The following TRPM3 variants were observed in gnomAD, a reference collection of about 807,000 sequenced individuals.
The protein encoded by TRPM3 is long transient receptor potential channel 3.
A neutral mutation model predicts 181.2 loss-of-function variants in TRPM3; 77 were observed. The observed-to-expected ratio is 0.42, with a 90% CI of 0.35 to 0.51. The LOEUF is 0.51. Among genes scored for constraint, TRPM3 ranks in the 20% least tolerant of loss-of-function variants. The pLI, the probability that TRPM3 is intolerant of heterozygous loss-of-function variation, is 0.01. For missense variants in TRPM3, 1,759 were observed against 2,196.7 expected (o/e 0.80, Z 3.98); for synonymous variants, 745 against 796.4 (o/e 0.94, Z 1.09).
intron 1 of TRPM3, among the ~76,000 whole-genome samples, chr9:71,096,163 A>T (rs2067153471): frequency 6.6e-6 from 1 of 151,986 alleles, no homozygotes; most frequent in Non-Finnish European, 1.5e-5. Flanking sequence ...CCATCTTAAA[A>T]TAGACCAGTG....
chr9:70,560,110 T>G (rs1033284183), intron 22 of TRPM3, among the ~76,000 whole-genome samples: 5 of 152,242 alleles, frequency 3.3e-5, no homozygotes, highest in African/African-American at 1.2e-4. Flanking sequence ...CACATTACAT[T>G]GGCCATTGTG....
At position 70,618,793 on chromosome 9, in the gene TRPM3, C is replaced by A; in HGVS notation, c.2358+74G>T. ...GATAAGAGGATGCCCAATTCCATGG[C>A]AGATTTTGGCTGGGAAAACTCTAAC... On this transcript the variant is annotated intron_variant, in intron 17 of 25. Coordinates refer to ENST00000677713, the MANE Select transcript of TRPM3 (RefSeq NM_001366145.2). 5 of 1,302,374 alleles carry A rather than the reference C, an allele frequency of 3.8e-6. No homozygotes were observed. The South Asian group carries it at 6.1e-5, about 16-fold the overall frequency. 80.7% of individuals were successfully genotyped at this position (1,302,374 alleles called of 1,614,324 possible).
intron 1 of TRPM3, among the ~76,000 whole-genome samples, chr9:71,055,318 G>T (rs1162772876): frequency 6.6e-6 from 1 of 152,066 alleles, no homozygotes; most frequent in Admixed American, 6.6e-5. Context: ...GTAGATAATA[G>T]AAATAATGAA....
chr9:71,280,095 A>AG (rs201311071), intron 1 of TRPM3, among the ~76,000 whole-genome samples: 29 of 145,440 alleles, frequency 2.0e-4, no homozygotes, highest in South Asian at 6.7e-4. Flanking sequence ...AAAAAAAAAA[A>AG]GGGGATGTAT....
At chr9:71,275,471 C>T (rs2084127461) in intron 1 of TRPM3, among the ~76,000 whole-genome samples, 1 of 151,956 alleles carries the variant, frequency 6.6e-6, no homozygotes, top group Non-Finnish European at 1.5e-5. Context: ...AATTTGATTG[C>T]AATAAAAATT....
At position 71,319,313 on chromosome 9, in the gene TRPM3, A is replaced by G. The variant is rs79496277; in HGVS notation, c.183+127340T>C. On this transcript the variant is annotated intron_variant, in intron 1 of 24. Coordinates refer to the TRPM3 transcript ENST00000357533. ...CCATAGTCTGCTGTCTGCTCCCTGG[A>G]GGCCTAGGAAAGCCAGGGTTGTCAT... Among the ~76,000 whole-genome samples the G allele has an allele frequency of 9.7e-3, 1,479 of 152,226 alleles. 32 individuals carry two copies. Among genetic ancestry groups the G allele is most frequent in the African/African-American group, 0.034 (1,414 of 41,520 alleles).
intron 1 of TRPM3, among the ~76,000 whole-genome samples, chr9:70,905,352 TC>T (rs1207756157): frequency 6.6e-6 from 1 of 152,168 alleles, no homozygotes; most frequent in Non-Finnish European, 1.5e-5. Flanking sequence ...AAACCAATAT[TC>T]CCTAAACGAA....
At chr9:71,106,542 T>C (rs552367242) in intron 1 of TRPM3, among the ~76,000 whole-genome samples, 30 of 152,232 alleles carry the variant, frequency 2.0e-4, no homozygotes, top group African/African-American at 6.0e-4. Flanking sequence ...CAGAAGCACA[T>C]GCTGGCCCCA....
Position 70,603,621 on chromosome 9 carries a change from G to T in TRPM3, c.2668-151C>A, listed in dbSNP as rs137919423. On this transcript the variant is annotated intron_variant, in intron 19 of 25. Coordinates refer to ENST00000677713, the MANE Select transcript of TRPM3 (RefSeq NM_001366145.2). ...ACTTGAAGGTGCTAAACTAACAAAA[G>T]AATTAGAAAAGACAGTAATACTTGA... The T allele has an allele frequency of 2.1e-3, 1,553 of 729,740 alleles. 39 individuals are homozygous for T. The Admixed American group carries it at 0.039, about 19-fold the overall frequency. The allele number at this position is 729,740 out of a possible 1,614,324, so 45.2% of individuals were successfully genotyped here. A position where few individuals can be genotyped will look rare whatever the true frequency, so the allele number is the denominator to read the frequency against.
At chr9:70,800,030 A>G (rs966859167) in intron 6 of TRPM3, among the ~76,000 whole-genome samples, 2 of 152,214 alleles carry the variant, frequency 1.3e-5, no homozygotes, top group African/African-American at 4.8e-5. Context: ...TGTTTCTGAC[A>G]TTTGCTTTGC....
chr9:70,909,390 C>T (rs1205873296), intron 1 of TRPM3, among the ~76,000 whole-genome samples: 1 of 152,144 alleles, frequency 6.6e-6, no homozygotes, highest in African/African-American at 2.4e-5. Context: ...AGCGGTTAGA[C>T]CCTTCATAGT....
At chr9:70,928,487 A>T (rs75828714) in intron 1 of TRPM3, among the ~76,000 whole-genome samples, 1 of 152,288 alleles carries the variant, frequency 6.6e-6, no homozygotes, top group East Asian at 1.9e-4. Flanking sequence ...GAGCACAGCC[A>T]ATTATGGTGT....
intron 1 of TRPM3, among the ~76,000 whole-genome samples, chr9:71,269,536 C>T (rs182750410): frequency 3.7e-4 from 56 of 152,278 alleles, no homozygotes; most frequent in Admixed American, 1.1e-3. Context: ...TTATAAAGAG[C>T]AAGACTCATC....
chr9:71,199,966 G>A (rs1224591250), intron 1 of TRPM3, among the ~76,000 whole-genome samples: 1 of 152,134 alleles, frequency 6.6e-6, no homozygotes, highest in African/African-American at 2.4e-5. Flanking sequence ...TGTGATGCTA[G>A]GGTGTCAATT....
chr9:71,217,332 T>G (rs2079953409), intron 1 of TRPM3, among the ~76,000 whole-genome samples: 1 of 152,148 alleles, frequency 6.6e-6, no homozygotes, highest in Admixed American at 6.5e-5. Flanking sequence ...AGCAAAGACA[T>G]GCCATGCAAC....
intron 1 of TRPM3, among the ~76,000 whole-genome samples, chr9:71,022,636 T>C (rs2097856119): frequency 6.6e-6 from 1 of 152,094 alleles, no homozygotes; most frequent in Non-Finnish European, 1.5e-5. Context: ...AGTTTAAGGC[T>C]ACAGTGAGTC....
intron 1 of TRPM3, among the ~76,000 whole-genome samples, chr9:71,008,909 G>C (rs897056335): frequency 3.9e-5 from 6 of 152,194 alleles, no homozygotes; most frequent in Non-Finnish European, 8.8e-5. Context: ...AAGATGCAAG[G>C]ATGGTTCAAA....
intron 1 of TRPM3, among the ~76,000 whole-genome samples, chr9:70,920,557 C>G (rs2096644088): frequency 1.3e-5 from 2 of 152,068 alleles, no homozygotes; most frequent in Admixed American, 1.3e-4. Context: ...CTATATTCTC[C>G]CAAAACGACA....
At chr9:71,414,281 T>A (rs1353806647) in intron 1 of TRPM3, among the ~76,000 whole-genome samples, 1 of 151,130 alleles carries the variant, frequency 6.6e-6, no homozygotes, top group Non-Finnish European at 1.5e-5. Context: ...TGGATTTTAT[T>A]TCTGCTACAT....
Sources: gnomAD v4.1 joint callset for allele counts (sites outside exome capture counted in the v4.1 genomes callset) on GRCh38, gnomAD v4.1.1 for gene constraint, MANE v1.5 for transcripts, NCBI Gene and HGNC (gene_info 2026-07-23, HGNC 2026-07-21) for gene names.